Variants in CHRDL2 observed in about 807,000 individuals in gnomAD.
CHRDL2 encodes chordin-like protein 2.
A neutral mutation model predicts 54.3 loss-of-function variants in CHRDL2; 41 were observed. The ratio of observed to expected loss-of-function variants is 0.76; its 90% CI spans 0.59 to 0.98. CHRDL2 has a LOEUF of 0.98. Among genes scored for constraint, CHRDL2 ranks in the 50% least tolerant of loss-of-function variants. The pLI is 0.00. For synonymous variants in CHRDL2, 220 were observed against 224.3 expected (o/e 0.98, Z 0.17); for missense variants, 518 against 562.4 (o/e 0.92, Z 0.80).
At chr11:74,720,562 C>T (rs751943726) in intron 1 of CHRDL2, among the ~76,000 whole-genome samples, 1 of 151,648 alleles carries the variant, frequency 6.6e-6, no homozygotes, top group East Asian at 2.0e-4. Context: ...TTCTCTTAGT[C>T]CCCTGTTGGT....
chr11:74,700,314 C>G (rs2033757617), intron 9 of CHRDL2, among the ~76,000 whole-genome samples: 2 of 152,250 alleles, frequency 1.3e-5, no homozygotes, highest in Non-Finnish European at 2.9e-5. Flanking sequence ...GTTTGAGGCT[C>G]TCACTGTCAT....
chr11:74,716,379 A>G (rs2135266088), intron 2 of CHRDL2, among the ~76,000 whole-genome samples: 1 of 152,158 alleles, frequency 6.6e-6, no homozygotes, highest in African/African-American at 2.4e-5. Context: ...TACTAAAAAT[A>G]TAAAAATTAG....
rs1032777985 is a variant in CHRDL2, at chr11:74,696,440, C to A, written c.*69G>T. The A allele has an allele frequency of 3.1e-6, 4 of 1,298,354 alleles. No individual in the cohort carries two copies. The highest frequency in any genetic ancestry group is 1.5e-5 in the African/African-American group (1 of 67,508). 80.4% of individuals were successfully genotyped at this position (1,298,354 alleles called of 1,614,324 possible). ...CCAGAAGGCAGGGCTGAGGGTAATG[C>A]AACTTCTTATTTATTAATATATAAT... is the stretch of plus-strand genomic sequence containing the variant. On this transcript the variant is annotated 3_prime_UTR_variant, in exon 11 of 11. Transcript: ENST00000376332.
At chr11:74,715,551 C>T (rs1291677832) in intron 2 of CHRDL2, among the ~76,000 whole-genome samples, 1 of 148,988 alleles carries the variant, frequency 6.7e-6, no homozygotes, top group Non-Finnish European at 1.5e-5. Context: ...TACAGTGAGC[C>T]GAGATTACGA....
At chr11:74,702,392 C>T (rs1212459265) in intron 9 of CHRDL2, among the ~76,000 whole-genome samples, 1 of 152,148 alleles carries the variant, frequency 6.6e-6, no homozygotes, top group Non-Finnish European at 1.5e-5. Context: ...AGATCCACCA[C>T]CTTAAAAAGG....
intron 1 of CHRDL2, among the ~76,000 whole-genome samples, chr11:74,722,742 C>T (rs1231163396): frequency 6.6e-6 from 1 of 152,100 alleles, no homozygotes; most frequent in African/African-American, 2.4e-5. Flanking sequence ...CTGGTGGCCT[C>T]CTGCATTCTT....
chr11:74,720,625 C>T (rs921431412), intron 1 of CHRDL2, among the ~76,000 whole-genome samples: 4 of 152,218 alleles, frequency 2.6e-5, no homozygotes, highest in Non-Finnish European at 5.9e-5. Flanking sequence ...CAGAGTCAAG[C>T]GTCTTAGAAA....
At chr11:74,702,719 G>T (rs920883102) in intron 9 of CHRDL2, 75 bp downstream of exon 9, 31 of 1,518,940 alleles carry the variant, frequency 2.0e-5, no homozygotes, top group Non-Finnish European at 2.5e-5. Flanking sequence ...CGTCCCTAAG[G>T]CCCCTGTGGG....
chr11:74,706,164 C>G (rs1250103340), intron 6 of CHRDL2, among the ~76,000 whole-genome samples: 1 of 152,034 alleles, frequency 6.6e-6, no homozygotes, highest in African/African-American at 2.4e-5. Flanking sequence ...AAGAAGGTTG[C>G]CTGAATTAAG....
chr11:74,718,045 T>C (rs1164181098), intron 2 of CHRDL2, among the ~76,000 whole-genome samples: 3 of 151,684 alleles, frequency 2.0e-5, no homozygotes, highest in Non-Finnish European at 4.4e-5. Context: ...TGCGATGGGG[T>C]GGGAGGAGAT....
chr11:74,724,084 C>T (rs2034536981), intron 1 of CHRDL2, among the ~76,000 whole-genome samples: 2 of 152,224 alleles, frequency 1.3e-5, no homozygotes, highest in African/African-American at 4.8e-5. Context: ...AGATACAATA[C>T]ATTCAGTCTG....
At chr11:74,710,713 A>C in intron 4 of CHRDL2, 136 bp downstream of exon 4, 1 of 1,187,638 alleles carries the variant, frequency 8.4e-7, no homozygotes, top group East Asian at 2.7e-5. Context: ...CAAACCCCAG[A>C]TATTCCCTTT....
At chr11:74,702,713 C>T in intron 9 of CHRDL2, 81 bp downstream of exon 9, 1 of 1,486,316 alleles carries the variant, frequency 6.7e-7, no homozygotes, top group Non-Finnish European at 9.4e-7. Context: ...GCAAAACGTC[C>T]CTAAGGCCCC....
At chr11:74,712,036 T>C (rs1261261850) in intron 3 of CHRDL2, among the ~76,000 whole-genome samples, 1 of 152,020 alleles carries the variant, frequency 6.6e-6, no homozygotes, top group Non-Finnish European at 1.5e-5. Flanking sequence ...GGTCTCAATC[T>C]CTTGACCTTG....
In CHRDL2 at chr11:74,706,553, A is replaced by G. The variant is rs2034017790; in HGVS notation, c.527-11T>C. On this transcript the variant is annotated splice_polypyrimidine_tract_variant and intron_variant, in intron 5 of 10. Coordinates refer to ENST00000376332, the MANE Select transcript of CHRDL2 (RefSeq NM_001278473.3). ...GCTCACTTGCCTCATCTGAAAACTC[A>G]AAGGGAAGCTGGGTCAGCCTCAGGC... 1 of 1,613,806 alleles carries G rather than the reference A, an allele frequency of 6.2e-7. No homozygotes were observed. The highest frequency in any genetic ancestry group is 2.2e-5 in the East Asian group (1 of 44,876).
intron 2 of CHRDL2, among the ~76,000 whole-genome samples, chr11:74,717,466 G>GA (rs2034392233): frequency 6.6e-6 from 1 of 152,174 alleles, no homozygotes; most frequent in Non-Finnish European, 1.5e-5. Flanking sequence ...AGTCCTTCTT[G>GA]AAAAGGCTGA....
chr11:74,720,669 T>C (rs555832581), intron 1 of CHRDL2, among the ~76,000 whole-genome samples: 18 of 152,314 alleles, frequency 1.2e-4, no homozygotes, highest in African/African-American at 4.3e-4. Flanking sequence ...TCACATTCTC[T>C]TAGACTTTGA....
rs189549897 is a variant in CHRDL2 at position 74,698,048 on chromosome 11, T to C, written c.1121-751A>G. 3.4e-5 allele frequency among the ~76,000 whole-genome samples: 5 copies of C among 148,064 alleles called. No individual in the cohort carries two copies. The East Asian group carries it at 1.0e-3, about 30-fold the overall frequency. On this transcript the variant is annotated intron_variant, in intron 9 of 10. Transcript: ENST00000376332. Reference sequence around the variant, plus strand: ...GCTGGAATATCTTCTACTATTGCCTTCTATTTCTACTTTTTTTTCTTTTTT... The same window carrying C: ...GCTGGAATATCTTCTACTATTGCCTCCTATTTCTACTTTTTTTTCTTTTTT...
intron 1 of CHRDL2, among the ~76,000 whole-genome samples, chr11:74,722,032 T>C (rs557535677): frequency 1.3e-5 from 2 of 152,332 alleles, no homozygotes; most frequent in Admixed American, 6.5e-5. Context: ...GATGTGTTGA[T>C]GGTCTCATAC....
Sources: allele counts gnomAD v4.1 joint callset (sites outside exome capture counted in the v4.1 genomes callset), GRCh38; gene constraint gnomAD v4.1.1; transcripts MANE v1.5; gene names NCBI Gene and HGNC (gene_info 2026-07-23, HGNC 2026-07-21).